TTLL5: variants seen among roughly 807,000 people sequenced by gnomAD.
The protein encoded by TTLL5 is tubulin tyrosine ligase like 5, also known as tubulin polyglutamylase TTLL5.
Under a neutral mutation model 168.4 loss-of-function variants are expected in TTLL5, and 132 were observed. That is an observed-to-expected ratio of 0.78 (90% CI 0.68 to 0.91). The LOEUF (loss-of-function observed/expected upper bound fraction) is 0.91, where lower values mean the gene tolerates loss of function less well. Ranked by LOEUF, TTLL5 falls within the 40% of genes least tolerant of loss-of-function variation. TTLL5 has a pLI of 0.00. For synonymous variants in TTLL5, 546 were observed against 558.6 expected, an observed-to-expected ratio of 0.98 and a Z score of 0.32; for missense variants, 1,545 against 1,581.5, an observed-to-expected ratio of 0.98 and a Z score of 0.39.
At chr14:75,789,959 G>T (rs1272904989) in intron 26 of TTLL5, among the ~76,000 whole-genome samples, 1 of 152,088 alleles carries the variant, frequency 6.6e-6, no homozygotes, top group East Asian at 1.9e-4. Flanking sequence ...TAATATAAAG[G>T]TCTGATACTT....
At chr14:75,863,532 ATC>A (rs2139944568) in intron 28 of TTLL5, 133 bp from the exon 29 acceptor site, 1 of 846,048 alleles carries the variant, frequency 1.2e-6, no homozygotes, top group East Asian at 2.6e-5. Flanking sequence ...GTGAGATAAT[ATC>A]ACACAAGTAG....
intron 30 of TTLL5, among the ~76,000 whole-genome samples, chr14:75,889,931 G>C (rs1021828618): frequency 1.5e-5 from 2 of 136,750 alleles, no homozygotes; most frequent in African/African-American, 5.2e-5. Flanking sequence ...GTCAAAGAAG[G>C]AAGGAAGGGA....
At chr14:75,833,484 GC>G (rs1183569969) in intron 28 of TTLL5, among the ~76,000 whole-genome samples, 1 of 152,128 alleles carries the variant, frequency 6.6e-6, no homozygotes, top group African/African-American at 2.4e-5. Context: ...TAGTTAAGAG[GC>G]AGACCAATTT....
Position 75,829,152 on chromosome 14 carries a change from G to A in TTLL5, c.3326+8991G>A, listed in dbSNP as rs552162249. On this transcript the variant is annotated intron_variant, in intron 28 of 31. Transcript: ENST00000298832. ...TATCACTCTGGCTGGAGAAGCTGGC[G>A]AAAACTTCATGGAAAAGAAAAGGTG... is the stretch of plus-strand genomic sequence containing the variant. Among the ~76,000 whole-genome samples, 10 of 152,316 alleles carry A rather than the reference G, an allele frequency of 6.6e-5. No individual in the cohort carries two copies. The South Asian group carries it at 8.3e-4, about 13-fold the overall frequency.
intron 19 of TTLL5, 61 bp downstream of exon 19, chr14:75,764,833 C>T (rs1333259784): frequency 6.3e-7 from 1 of 1,579,486 alleles, no homozygotes; most frequent in East Asian, 2.2e-5. Context: ...CTGAGTTAAC[C>T]AGCTGCTTAC....
At chr14:75,874,077 TTTA>T (rs1162893227) in intron 29 of TTLL5, among the ~76,000 whole-genome samples, 2 of 7,692 alleles carry the variant, frequency 2.6e-4, no homozygotes, top group African/African-American at 2.9e-3. Context: ...ATGGTTATTC[TTTA>T]TTTATTTATT....
chr14:75,888,709 G>C (rs778157214), intron 30 of TTLL5, among the ~76,000 whole-genome samples: 1 of 152,176 alleles, frequency 6.6e-6, no homozygotes, highest in Non-Finnish European at 1.5e-5. Context: ...GCCGAGGCGG[G>C]TGGGTCATGA....
At chr14:75,714,783 G>C (rs1272481094) in intron 9 of TTLL5, among the ~76,000 whole-genome samples, 5 of 152,084 alleles carry the variant, frequency 3.3e-5, no homozygotes, top group Non-Finnish European at 7.4e-5. Context: ...AAGGAGCACT[G>C]GTTGCTTTTT....
At chr14:75,682,670 C>T (rs1021489243) in intron 4 of TTLL5, among the ~76,000 whole-genome samples, 24 of 151,704 alleles carry the variant, frequency 1.6e-4, no homozygotes, top group African/African-American at 5.1e-4. Context: ...AAAGGCTGAA[C>T]AGACACTTCC....
At chr14:75,764,930 T>TA (rs1290394907) in intron 19 of TTLL5, among the ~76,000 whole-genome samples, 158 bp downstream of exon 19, 5 of 152,202 alleles carry the variant, frequency 3.3e-5, no homozygotes, top group African/African-American at 1.2e-4. Context: ...AACAAAGTCT[T>TA]AAGTTTTTAA....
intron 27 of TTLL5, among the ~76,000 whole-genome samples, chr14:75,800,136 A>T (rs1297256261): frequency 1.3e-5 from 2 of 152,006 alleles, no homozygotes; most frequent in Admixed American, 6.6e-5. Context: ...CATAATCCCA[A>T]ACTTCTTGGA....
intron 27 of TTLL5, among the ~76,000 whole-genome samples, chr14:75,797,732 G>T (rs980377000): frequency 1.3e-5 from 2 of 152,094 alleles, no homozygotes; most frequent in African/African-American, 4.8e-5. Flanking sequence ...ACTTGCGTAT[G>T]TTAAACCATG....
chr14:75,736,995 C>T (rs1269183838), intron 15 of TTLL5, among the ~76,000 whole-genome samples: 1 of 152,134 alleles, frequency 6.6e-6, no homozygotes, highest in Non-Finnish European at 1.5e-5. Flanking sequence ...TGGCAAGAAC[C>T]ACAGAATTAT....
chr14:75,863,935 G>GAAAAAAAAA (rs869278134), intron 29 of TTLL5, 73 bp downstream of exon 29: 1 of 615,520 alleles, frequency 1.6e-6, no homozygotes, highest in African/African-American at 3.9e-5. Flanking sequence ...AAAAAAAAAA[G>GAAAAAAAAA]GTCAGTGAAT....
chr14:75,863,638 C>G, intron 28 of TTLL5, 29 bp from the exon 29 acceptor site: 4 of 1,575,586 alleles, frequency 2.5e-6, no homozygotes, highest in Non-Finnish European at 3.4e-6. Flanking sequence ...GCCACTCACT[C>G]TAAGAAACCT....
At chr14:75,886,793 C>T (rs1415610850) in intron 30 of TTLL5, 2 of 1,591,500 alleles carry the variant, frequency 1.3e-6, no homozygotes, top group Non-Finnish European at 1.7e-6. Context: ...CAACTACATG[C>T]ATCTGAACTG....
At chr14:75,739,725 T>G (rs942233474) in intron 15 of TTLL5, among the ~76,000 whole-genome samples, 2 of 152,168 alleles carry the variant, frequency 1.3e-5, no homozygotes, top group Non-Finnish European at 2.9e-5. Context: ...AATTCCCACA[T>G]CTGTCATATG....
chr14:75,758,621 A>T (rs1890431332), intron 18 of TTLL5, among the ~76,000 whole-genome samples: 1 of 152,202 alleles, frequency 6.6e-6, no homozygotes, highest in South Asian at 2.1e-4. Flanking sequence ...GTGTAAGCAG[A>T]TGCAAGCTGG....
At chr14:75,699,130 T>C in intron 6 of TTLL5, 58 bp from the exon 7 acceptor site, 8 of 1,480,648 alleles carry the variant, frequency 5.4e-6, no homozygotes, top group Non-Finnish European at 7.5e-6. Flanking sequence ...TATAATAAAC[T>C]CAAGTTCATT....
Sources: allele counts gnomAD v4.1 joint callset (sites outside exome capture counted in the v4.1 genomes callset), GRCh38; gene constraint gnomAD v4.1.1; transcripts MANE v1.5; gene names NCBI Gene and HGNC (gene_info 2026-07-23, HGNC 2026-07-21).